SEMA6A: variants seen among roughly 807,000 people sequenced by gnomAD.
SEMA6A encodes the protein semaphorin 6A, also known as semaphorin-6A.
A neutral mutation model predicts 96.8 loss-of-function variants in SEMA6A; 25 were observed. The observed-to-expected ratio is 0.26, with a 90% CI of 0.19 to 0.36. The LOEUF (loss-of-function observed/expected upper bound fraction) is 0.36, where lower values mean the gene tolerates loss of function less well. Ranked by LOEUF, SEMA6A falls within the 10% of genes least tolerant of loss-of-function variation. The probability of loss-of-function intolerance (pLI) is 1.00; values close to 1 mark genes in which losing one functional copy is unlikely to be tolerated. For synonymous variants in SEMA6A, 612 were observed against 518.0 expected, an observed-to-expected ratio of 1.18 and a Z score of -2.46; for missense variants, 1,363 against 1,323.1, an observed-to-expected ratio of 1.03 and a Z score of -0.47.
chr5:116,453,138 A>G (rs1754754985), intron 18 of SEMA6A, among the ~76,000 whole-genome samples: 1 of 152,212 alleles, frequency 6.6e-6, no homozygotes, highest in Admixed American at 6.5e-5. Flanking sequence ...GTAGTGAGTA[A>G]TAGCAAATGG....
intron 18 of SEMA6A, among the ~76,000 whole-genome samples, chr5:116,453,204 A>G (rs1235325364): frequency 2.0e-5 from 3 of 152,128 alleles, no homozygotes; most frequent in Non-Finnish European, 2.9e-5. Context: ...TCCATACTCA[A>G]GCTTGCTTCA....
chr5:116,543,291 C>T (rs1760053081), intron 1 of SEMA6A, among the ~76,000 whole-genome samples: 1 of 152,218 alleles, frequency 6.6e-6, no homozygotes, highest in South Asian at 2.1e-4. Flanking sequence ...CCTACCTGGC[C>T]TGTGAGCAAA....
intron 6 of SEMA6A, 38 bp from the exon 7 acceptor site, chr5:116,491,868 C>G (rs760294099): frequency 7.3e-6 from 11 of 1,500,360 alleles, no homozygotes; most frequent in Middle Eastern, 1.7e-4. Flanking sequence ...AAACAACAAC[C>G]TTTTCTTTTG....
chr5:116,566,814 G>C (rs1272137623), intron 1 of SEMA6A, among the ~76,000 whole-genome samples: 1 of 152,224 alleles, frequency 6.6e-6, no homozygotes, highest in Non-Finnish European at 1.5e-5. Context: ...TGGTGTGGAA[G>C]GCAGTAGTTT....
chr5:116,446,276 GTGTGTGTGT>G lies in SEMA6A; in HGVS notation c.*328_*336del, dbSNP rs1754196392. 4.4e-5 allele frequency: 10 copies of G among 228,754 alleles called. No individual in the cohort carries two copies. In the East Asian group the frequency reaches 6.2e-4, roughly 14 times the overall value. 14.2% of individuals were successfully genotyped at this position (228,754 alleles called of 1,614,324 possible). On this transcript the variant is annotated 3_prime_UTR_variant, in exon 19 of 19. Transcript: ENST00000343348. ...ATGTGTTGTGTGCATGTGTGTGTGT[GTGTGTGTGT>G]GGGGGTGGGGGATGGGGTAGGTATG...
intron 11 of SEMA6A, 63 bp from the exon 12 acceptor site, chr5:116,480,340 G>C: frequency 5.1e-6 from 8 of 1,583,056 alleles, no homozygotes; most frequent in East Asian, 2.2e-5. Flanking sequence ...CAAATTCTTT[G>C]AATGAACTGC....
At chr5:116,542,118 G>A (rs1367426877) in intron 1 of SEMA6A, among the ~76,000 whole-genome samples, 1 of 152,116 alleles carries the variant, frequency 6.6e-6, no homozygotes, top group Non-Finnish European at 1.5e-5. Flanking sequence ...CTTCATTTGA[G>A]ATACAGAAAT....
chr5:116,478,069 T>C lies in SEMA6A; in HGVS notation c.1513A>G (p.Thr505Ala). 6.2e-7 allele frequency: 1 copy of C among 1,613,962 alleles called. No individual in the cohort carries two copies. Among genetic ancestry groups the C allele is most frequent in the South Asian group, 1.1e-5 (1 of 91,082 alleles). The change falls in exon 14 of 19, where the codon ACC (threonine) becomes GCC (alanine). Residue 505 changes from threonine to alanine, a missense_variant. By Grantham distance (58) the Thr-to-Ala change is moderately conservative. Coordinates refer to ENST00000343348, the MANE Select transcript of SEMA6A (RefSeq NM_020796.5). Reference sequence around the variant, plus strand: ...CCAAGGGGAACCTTTATCACACAGGTAGAGAACGCAACATACAGAGAGCTG... The same window carrying C: ...CCAAGGGGAACCTTTATCACACAGGCAGAGAACGCAACATACAGAGAGCTG... ...ASSSLYVAFSTCVIKVPLGRC... is the reference protein window; with the variant it reads ...ASSSLYVAFSACVIKVPLGRC...
At chr5:116,543,393 GTATTAAACTTCCATTTTTCTCTTGTT>G (rs1346384047) in intron 1 of SEMA6A, among the ~76,000 whole-genome samples, 1 of 152,124 alleles carries the variant, frequency 6.6e-6, no homozygotes, top group African/African-American at 2.4e-5. Context: ...CTGCAGATGT[GTATTAAACTTCCATTTTTCTCTTGTT>G]TAGTTTATAC....
Position 116,447,559 on chromosome 5 carries a change from T to A in SEMA6A, c.2147A>T (p.Asp716Val). The stretch of plus-strand genomic sequence containing the variant: ...CGTGAGGATGGCCTCCGGCTTTGGG[T>A]CTTTGGATTGAGTGTCCCCAAAGAG... ...SGLFGDTQSK[D>V]PKPEAILTPL... The change falls in exon 19 of 19, where the codon GAC becomes GTC. Residue 716 changes from aspartate to valine, a missense_variant. Asp to Val is a radical substitution (Grantham distance 152). This residue lies in a region of SEMA6A where 883 missense variants were observed against 763.6 expected (regional missense o/e 1.16). Transcript: ENST00000343348. 2 of 1,613,950 alleles carry A rather than the reference T, an allele frequency of 1.2e-6. No homozygotes were observed. The highest frequency in any genetic ancestry group is 1.7e-6 in the Non-Finnish European group (2 of 1,179,868).
At chr5:116,482,967 A>T (rs901374872) in intron 10 of SEMA6A, among the ~76,000 whole-genome samples, 7 of 152,162 alleles carry the variant, frequency 4.6e-5, no homozygotes, top group African/African-American at 1.7e-4. Context: ...ATTGGTGAAA[A>T]TTTGAAACAA....
intron 10 of SEMA6A, among the ~76,000 whole-genome samples, chr5:116,483,957 C>T (rs559836054): frequency 2.2e-4 from 34 of 151,386 alleles, no homozygotes; most frequent in African/African-American, 6.1e-4. Flanking sequence ...CCAGCTACTC[C>T]GGAGGCTGAA....
chr5:116,479,955 A>T (rs1756667740), intron 12 of SEMA6A, among the ~76,000 whole-genome samples, 167 bp downstream of exon 12: 2 of 152,188 alleles, frequency 1.3e-5, no homozygotes, highest in East Asian at 1.9e-4. Flanking sequence ...GAATGTGTGT[A>T]TAGGGGTTTA....
intron 5 of SEMA6A, 32 bp downstream of exon 5, chr5:116,496,219 T>TGGATCACGA: frequency 6.3e-7 from 1 of 1,586,980 alleles, no homozygotes; most frequent in African/African-American, 1.4e-5. Flanking sequence ...TAACCCAAAG[T>TGGATCACGA]GGCAGCTGCA....
rs200813611 is a variant in SEMA6A, at chr5:116,520,329, CTT to C, written c.-38-15349_-38-15348del. Among the ~76,000 whole-genome samples, 314 of 122,144 alleles carry C rather than the reference CTT, an allele frequency of 2.6e-3. 7 individuals carry two copies. In the East Asian group the frequency reaches 0.05, roughly 19 times the overall value. 80.1% of individuals were successfully genotyped at this position (122,144 alleles called of 152,430 possible). A position where few individuals can be genotyped will look rare whatever the true frequency, so the allele number is the denominator to read the frequency against. On this transcript the variant is annotated intron_variant, in intron 1 of 18. Transcript: ENST00000343348. ...TGTTCCTAATTGAGATTTTCACTTG[CTT>C]TTGTCTGTTCCTCCCCTCCACTAGA...
intron 1 of SEMA6A, among the ~76,000 whole-genome samples, chr5:116,543,625 C>T (rs1357154217): frequency 6.6e-6 from 1 of 152,226 alleles, no homozygotes; most frequent in Non-Finnish European, 1.5e-5. Context: ...ACTGTTTAAT[C>T]TTCTCCAAAG....
intron 10 of SEMA6A, among the ~76,000 whole-genome samples, chr5:116,485,856 A>G (rs998646579): frequency 5.9e-5 from 9 of 152,208 alleles, no homozygotes; most frequent in African/African-American, 1.7e-4. Flanking sequence ...TCACACAACA[A>G]TACGAGGACT....
chr5:116,451,988 T>TGCAAAGG (rs549539017), intron 18 of SEMA6A, among the ~76,000 whole-genome samples: 38 of 151,652 alleles, frequency 2.5e-4, no homozygotes, highest in African/African-American at 4.4e-4. Context: ...AATGCATCTC[T>TGCAAAGG]GCAAAGGGCA....
chr5:116,491,659 A>G (rs1346326368), intron 7 of SEMA6A, 81 bp downstream of exon 7: 12 of 1,026,936 alleles, frequency 1.2e-5, no homozygotes, highest in African/African-American at 1.6e-5. Flanking sequence ...CTGTGACTCC[A>G]CGAATCCTCT....
Sources: gnomAD v4.1 joint callset for allele counts (sites outside exome capture counted in the v4.1 genomes callset) on GRCh38, gnomAD v4.1.1 for gene constraint, gnomAD v4.1.1 regional missense constraint, MANE v1.5 for transcripts, NCBI Gene and HGNC (gene_info 2026-07-23, HGNC 2026-07-21) for gene names.